Variants in TXNRD2 observed in about 807,000 individuals in gnomAD.
TXNRD2 encodes thioredoxin reductase 2, mitochondrial.
Under a neutral mutation model 70.8 loss-of-function variants are expected in TXNRD2, and 67 were observed. That is an observed-to-expected ratio of 0.95 (90% CI 0.78 to 1.16). The LOEUF is 1.16. Ranked by LOEUF, TXNRD2 falls within the 50% of genes most tolerant of loss-of-function variation. The probability of loss-of-function intolerance (pLI) is 0.00; values close to 1 mark genes in which losing one functional copy is unlikely to be tolerated. For synonymous variants in TXNRD2, 301 were observed against 295.8 expected (o/e 1.02, Z -0.18); for missense variants, 644 against 719.9 (o/e 0.89, Z 1.21).
chr22:19,914,564 C>A (rs542873948), intron 7 of TXNRD2, among the ~76,000 whole-genome samples: 1 of 152,224 alleles, frequency 6.6e-6, no homozygotes, highest in South Asian at 2.1e-4. Flanking sequence ...CTTACATGTA[C>A]GATTTCACTT....
intron 7 of TXNRD2, among the ~76,000 whole-genome samples, chr22:19,914,146 G>C (rs1940531489): frequency 6.6e-6 from 1 of 152,236 alleles, no homozygotes; most frequent in African/African-American, 2.4e-5. Flanking sequence ...TGGAAGGAAT[G>C]TAAAACACAG....
At chr22:19,901,404 C>T (rs187130681) in intron 8 of TXNRD2, among the ~76,000 whole-genome samples, 2 of 152,326 alleles carry the variant, frequency 1.3e-5, no homozygotes, top group African/African-American at 2.4e-5. Context: ...GGGCATATTC[C>T]CGAGTGGGCA....
intron 8 of TXNRD2, among the ~76,000 whole-genome samples, chr22:19,907,416 C>T (rs1357162013): frequency 3.2e-4 from 9 of 28,276 alleles, no homozygotes; most frequent in Non-Finnish European, 4.2e-4. Flanking sequence ...GTGGGCGCAC[C>T]GTAAGTAGCA....
Position 19,880,497 on chromosome 22 carries a change from G to A in TXNRD2, c.1182+125C>T, listed in dbSNP as rs148787683. 4,721 of 920,074 alleles carry A rather than the reference G, an allele frequency of 5.1e-3. 23 individuals are homozygous for A. The highest frequency in any genetic ancestry group is 6.8e-3 in the Non-Finnish European group (3,898 of 569,744). The allele number at this position is 920,074 out of a possible 1,614,324, so 57.0% of individuals were successfully genotyped here. A position where few individuals can be genotyped will look rare whatever the true frequency, so the allele number is the denominator to read the frequency against. ...GTGTGTACAACACACCCACATAAGC[G>A]CACACACACGCATGCCCACATCTAC... On this transcript the variant is annotated intron_variant, in intron 13 of 17. Transcript: ENST00000400521.
chr22:19,926,834 T>A (rs1941163697), intron 2 of TXNRD2, among the ~76,000 whole-genome samples: 1 of 151,982 alleles, frequency 6.6e-6, no homozygotes, highest in African/African-American at 2.4e-5. Flanking sequence ...AACAGACACA[T>A]CCACGGATAT....
chr22:19,937,800 T>G (rs550781453), intron 1 of TXNRD2, among the ~76,000 whole-genome samples: 1 of 152,202 alleles, frequency 6.6e-6, no homozygotes, highest in Non-Finnish European at 1.5e-5. Flanking sequence ...GGGTAAACAT[T>G]GGGCAAGTAC....
At chr22:19,907,826 C>A (rs1397599381) in intron 8 of TXNRD2, among the ~76,000 whole-genome samples, 1 of 36,176 alleles carries the variant, frequency 2.8e-5, no homozygotes, top group African/African-American at 1.1e-4. Context: ...TAGCAGTGAC[C>A]GCTCTCAGGA....
chr22:19,915,746 G>T lies in TXNRD2; in HGVS notation c.528+19C>A. 1.2e-6 allele frequency: 2 copies of T among 1,613,314 alleles called. No individual in the cohort carries two copies. The highest frequency in any genetic ancestry group is 1.7e-6 in the Non-Finnish European group (2 of 1,179,230). On this transcript the variant is annotated intron_variant, in intron 6 of 17. Transcript: ENST00000400521. ...CAGAAGGGTCCACAAGGAGCCACGC[G>T]AGTAAGTCAGATGCTCACCTCTTTC...
intron 7 of TXNRD2, among the ~76,000 whole-genome samples, chr22:19,914,126 T>C (rs1940529709): frequency 6.6e-6 from 1 of 152,232 alleles, no homozygotes; most frequent in Admixed American, 6.5e-5. Flanking sequence ...CCATGACCCT[T>C]ACACCCCACT....
intron 10 of TXNRD2, among the ~76,000 whole-genome samples, chr22:19,897,612 C>T (rs941669444): frequency 6.6e-6 from 1 of 152,130 alleles, no homozygotes; most frequent in African/African-American, 2.4e-5. Flanking sequence ...TGTCCCTCAC[C>T]CCAGCTCACA....
rs922631993 is a variant in TXNRD2 at position 19,921,038 on chromosome 22, C to T, written c.173-1439G>A. 1.2e-4 allele frequency among the ~76,000 whole-genome samples: 16 copies of T among 138,832 alleles called. No homozygotes were observed. In the East Asian group the frequency reaches 3.2e-3, roughly 28 times the overall value. The allele number at this position is 138,832 out of a possible 152,430, so 91.1% of individuals were successfully genotyped here. A position where few individuals can be genotyped will look rare whatever the true frequency, so the allele number is the denominator to read the frequency against. ...GGGAGAACGGTGTGAACCCAGGAAGCGGAGCTTGCAGTGAGCCGAGATTGT... is the reference window on the plus strand; with the variant it reads ...GGGAGAACGGTGTGAACCCAGGAAGTGGAGCTTGCAGTGAGCCGAGATTGT... On this transcript the variant is annotated intron_variant, in intron 2 of 17. Transcript: ENST00000400521.
intron 5 of TXNRD2, chr22:19,916,164 C>T (rs1601449286): frequency 2.7e-6 from 1 of 371,104 alleles, no homozygotes; most frequent in East Asian, 6.6e-5. Context: ...CTCTTGGGGA[C>T]AGTCCTCATC....
intron 13 of TXNRD2, 108 bp downstream of exon 13, chr22:19,880,514 C>A: frequency 9.6e-7 from 1 of 1,038,658 alleles, no homozygotes; most frequent in East Asian, 2.5e-5. Context: ...CACGCATGCC[C>A]ACATCTACAT....
chr22:19,907,626 C>T (rs566422284), intron 8 of TXNRD2, among the ~76,000 whole-genome samples: 1 of 39,598 alleles, frequency 2.5e-5, no homozygotes. Context: ...ATAGCAGTGA[C>T]CGCTCTCAGG....
rs16984300 is a variant in TXNRD2, at chr22:19,877,836, C to T, written c.1445+254G>A. On this transcript the variant is annotated intron_variant, in intron 16 of 17. Coordinates refer to ENST00000400521, the MANE Select transcript of TXNRD2 (RefSeq NM_006440.5). ...GTGCTTGGCCAGGTGGGCAAGGGCC[C>T]TAGCAGCGACCCGGGGCCACAGGGG... 0.017 allele frequency among the ~76,000 whole-genome samples: 2,530 copies of T among 152,326 alleles called. 63 individuals are homozygous for T. Among genetic ancestry groups the T allele is most frequent in the African/African-American group, 0.058 (2,424 of 41,570 alleles).
In TXNRD2 at chr22:19,931,151, A is replaced by C. The variant is rs370136102; in HGVS notation, c.104-53T>G. On this transcript the variant is annotated intron_variant, in intron 1 of 17. Transcript: ENST00000400521. ...GACTGTCTGTCTGGTTAAACGTGGT[A>C]CAGGATCAATTTTATCAGGATTGGA... is the stretch of plus-strand genomic sequence containing the variant. The C allele has an allele frequency of 8.4e-5, 131 of 1,553,226 alleles. No homozygotes were observed. The Middle Eastern group carries it at 1.0e-3, about 12-fold the overall frequency.
chr22:19,886,751 C>T (rs1020075342), intron 11 of TXNRD2, among the ~76,000 whole-genome samples: 1 of 152,268 alleles, frequency 6.6e-6, no homozygotes, highest in Non-Finnish European at 1.5e-5. Context: ...TCTGTGCTCC[C>T]TGCAGCTCCG....
In TXNRD2 at chr22:19,915,219, T is replaced by TG; in HGVS notation, c.585dup (p.Thr196HisfsTer14). 6.2e-7 allele frequency: 1 copy of TG among 1,613,710 alleles called. No individual in the cohort carries two copies. Among genetic ancestry groups the TG allele is most frequent in the Non-Finnish European group, 8.5e-7 (1 of 1,179,902 alleles). Reference sequence around the variant, plus strand: ...TATGCTCTGGGGACACTCACGTGCGTGGGGTATCTCGGCCGCCCTCCAGTA... The same window carrying TG: ...TATGCTCTGGGGACACTCACGTGCGTGGGGGTATCTCGGCCGCCCTCCAGTA... On this transcript the variant is annotated frameshift_variant, in exon 7 of 18. Coordinates refer to ENST00000400521, the MANE Select transcript of TXNRD2 (RefSeq NM_006440.5). LOFTEE classifies it high-confidence loss of function.
chr22:19,919,476 T>C, intron 3 of TXNRD2, 67 bp downstream of exon 3: 1 of 1,466,052 alleles, frequency 6.8e-7, no homozygotes, highest in Non-Finnish European at 9.3e-7. Flanking sequence ...CTGCCCTCTG[T>C]ACAGGAACTG....
Sources: allele counts gnomAD v4.1 joint callset (sites outside exome capture counted in the v4.1 genomes callset), GRCh38; gene constraint gnomAD v4.1.1; transcripts MANE v1.5; gene names NCBI Gene and HGNC (gene_info 2026-07-23, HGNC 2026-07-21).